The following RUNDC3B variants were observed in gnomAD, a reference collection of about 807,000 sequenced individuals.
RUNDC3B encodes RUN domain containing 3B, also known as RUN domain-containing protein 3B.
Under a neutral mutation model 58.4 loss-of-function variants are expected in RUNDC3B, and 33 were observed. The ratio of observed to expected loss-of-function variants is 0.56; its 90% CI spans 0.43 to 0.75. The LOEUF is 0.75. RUNDC3B is among the 30% of genes least tolerant of loss of function. RUNDC3B has a pLI of 0.00. For missense variants in RUNDC3B, 501 were observed against 535.7 expected (o/e 0.94, Z 0.64); for synonymous variants, 193 against 195.2 (o/e 0.99, Z 0.10).
At chr7:87,664,041 G>A (rs2130470146) in intron 2 of RUNDC3B, among the ~76,000 whole-genome samples, 1 of 152,260 alleles carries the variant, frequency 6.6e-6, no homozygotes, top group South Asian at 2.1e-4. Flanking sequence ...TTGGAGGCAT[G>A]CAATTCATTT....
intron 6 of RUNDC3B, among the ~76,000 whole-genome samples, chr7:87,750,468 T>G (rs1584097318): frequency 6.6e-6 from 1 of 151,602 alleles, no homozygotes; most frequent in East Asian, 1.9e-4. Context: ...ACTTCCACAA[T>G]GGTTGAACTA....
chr7:87,753,972 A>C (rs1389556617), intron 6 of RUNDC3B, among the ~76,000 whole-genome samples: 1 of 152,184 alleles, frequency 6.6e-6, no homozygotes, highest in African/African-American at 2.4e-5. Flanking sequence ...TTATTAAAGA[A>C]GGTATAAAAG....
At chr7:87,764,699 C>A (rs966693065) in intron 6 of RUNDC3B, among the ~76,000 whole-genome samples, 1 of 151,890 alleles carries the variant, frequency 6.6e-6, no homozygotes, top group African/African-American at 2.4e-5. Flanking sequence ...CAGGTCCATT[C>A]ATGTTGCTGA....
chr7:87,682,534 A>C (rs553521945), intron 2 of RUNDC3B, among the ~76,000 whole-genome samples: 11 of 152,350 alleles, frequency 7.2e-5, no homozygotes, highest in African/African-American at 2.6e-4. Context: ...AAGCCATGAA[A>C]ACAACATTAA....
At chr7:87,812,250 G>T (rs184989960) in intron 9 of RUNDC3B, among the ~76,000 whole-genome samples, 2 of 152,182 alleles carry the variant, frequency 1.3e-5, no homozygotes, top group African/African-American at 4.8e-5. Context: ...CAAATAGTTA[G>T]ATGTTGAATT....
At chr7:87,718,004 G>T (rs1263824489) in intron 4 of RUNDC3B, among the ~76,000 whole-genome samples, 3 of 151,966 alleles carry the variant, frequency 2.0e-5, no homozygotes, top group Non-Finnish European at 4.4e-5. Flanking sequence ...GATTTATTCT[G>T]GGAATATGAT....
chr7:87,823,079 A>G (rs1301950160), intron 10 of RUNDC3B, among the ~76,000 whole-genome samples: 1 of 152,096 alleles, frequency 6.6e-6, no homozygotes, highest in Non-Finnish European at 1.5e-5. Flanking sequence ...ACATGTGTAA[A>G]CAAGCTAGCT....
chr7:87,751,502 C>G (rs1832982349), intron 6 of RUNDC3B, among the ~76,000 whole-genome samples: 1 of 152,160 alleles, frequency 6.6e-6, no homozygotes, highest in African/African-American at 2.4e-5. Flanking sequence ...TTGATTCTTC[C>G]TATCCATGAG....
chr7:87,721,283 A>C (rs1287148030), intron 4 of RUNDC3B, among the ~76,000 whole-genome samples: 1 of 152,072 alleles, frequency 6.6e-6, no homozygotes, highest in African/African-American at 2.4e-5. Flanking sequence ...AAAAGTGGGA[A>C]TACTAAGCCA....
At position 87,831,635 on chromosome 7, in the gene RUNDC3B, G is replaced by T. The variant is rs1838133911; in HGVS notation, c.*1605G>T. On this transcript the variant is annotated 3_prime_UTR_variant, in exon 11 of 11. Transcript: ENST00000394654. The stretch of plus-strand genomic sequence containing the variant: ...CTCAATTTCTCAATTCTACATACCT[G>T]ATTATGAGTGAAGTATCCAAAGCAG... The T allele has an allele frequency of 6.6e-6, 1 of 151,816 alleles. No homozygotes were observed. The highest frequency in any genetic ancestry group is 1.5e-5 in the Non-Finnish European group (1 of 67,858). 9.4% of individuals were successfully genotyped at this position (151,816 alleles called of 1,614,324 possible).
chr7:87,636,452 G>A (rs535877233), intron 1 of RUNDC3B, among the ~76,000 whole-genome samples: 31 of 152,230 alleles, frequency 2.0e-4, no homozygotes, highest in Admixed American at 2.0e-3. Flanking sequence ...GCAGTTCTTT[G>A]TACATTCTGT....
chr7:87,818,437 C>A (rs1415580108), intron 10 of RUNDC3B, among the ~76,000 whole-genome samples: 1 of 152,140 alleles, frequency 6.6e-6, no homozygotes, highest in Admixed American at 6.5e-5. Context: ...AGGAAGGAAA[C>A]ATGTTCTCAT....
chr7:87,780,080 G>A (rs1834842398), intron 8 of RUNDC3B, among the ~76,000 whole-genome samples: 2 of 152,160 alleles, frequency 1.3e-5, no homozygotes, highest in African/African-American at 4.8e-5. Context: ...TGTCAATAGT[G>A]CTGTGATGAA....
At chr7:87,735,353 T>C (rs1831864348) in intron 4 of RUNDC3B, among the ~76,000 whole-genome samples, 1 of 152,222 alleles carries the variant, frequency 6.6e-6, no homozygotes, top group Admixed American at 6.6e-5. Context: ...GGCTCACCTG[T>C]TGGCCTCCTG....
chr7:87,802,167 G>A (rs1229248484), intron 8 of RUNDC3B, among the ~76,000 whole-genome samples: 6 of 152,086 alleles, frequency 3.9e-5, no homozygotes, highest in African/African-American at 7.2e-5. Context: ...CAAGGTTGGC[G>A]GATCACTTGA....
At chr7:87,653,788 A>G (rs1426398691) in intron 2 of RUNDC3B, among the ~76,000 whole-genome samples, 1 of 151,938 alleles carries the variant, frequency 6.6e-6, no homozygotes, top group Non-Finnish European at 1.5e-5. Flanking sequence ...TGGAACCACC[A>G]CAGTCTTACT....
At chr7:87,778,096 T>A in intron 8 of RUNDC3B, 141 bp downstream of exon 8, 3 of 684,004 alleles carry the variant, frequency 4.4e-6, no homozygotes, top group African/African-American at 1.8e-5. Flanking sequence ...GAAAGTTTAC[T>A]TATGTTCTTG....
At chr7:87,790,706 G>T (rs891499695) in intron 8 of RUNDC3B, among the ~76,000 whole-genome samples, 1 of 151,952 alleles carries the variant, frequency 6.6e-6, no homozygotes, top group Non-Finnish European at 1.5e-5. Context: ...ACTGAAGAAT[G>T]CATCAGAGTC....
At chr7:87,652,997 C>T (rs1446151640) in intron 2 of RUNDC3B, among the ~76,000 whole-genome samples, 2 of 151,970 alleles carry the variant, frequency 1.3e-5, no homozygotes, top group African/African-American at 4.8e-5. Flanking sequence ...CCCCCAGACA[C>T]AGTATAGGCT....
Sources: gnomAD v4.1 joint callset for allele counts (sites outside exome capture counted in the v4.1 genomes callset) on GRCh38, gnomAD v4.1.1 for gene constraint, MANE v1.5 for transcripts, NCBI Gene and HGNC (gene_info 2026-07-23, HGNC 2026-07-21) for gene names.